Variants in SMPDL3A observed in about 807,000 individuals in gnomAD.
SMPDL3A encodes sphingomyelin phosphodiesterase acid like 3A.
SMPDL3A carries 39 observed loss-of-function variants against 38.5 expected under a neutral mutation model. The observed-to-expected ratio is 1.01, with a 90% CI of 0.78 to 1.32. SMPDL3A has a LOEUF of 1.32. SMPDL3A is among the 40% of genes most tolerant of loss of function. The pLI, the probability that SMPDL3A is intolerant of heterozygous loss-of-function variation, is 0.00. For synonymous variants in SMPDL3A, 180 were observed against 194.3 expected (o/e 0.93, Z 0.61); for missense variants, 502 against 536.2 (o/e 0.94, Z 0.63).
rs143519774 is a variant in SMPDL3A, at chr6:122,795,593, G to A, written c.113-84G>A. 2.1e-3 allele frequency: 2,174 copies of A among 1,012,842 alleles called. 16 individuals are homozygous for A. Among genetic ancestry groups the A allele is most frequent in the Middle Eastern group, 0.013 (62 of 4,658 alleles). 62.7% of individuals were successfully genotyped at this position (1,012,842 alleles called of 1,614,324 possible). On this transcript the variant is annotated intron_variant, in intron 1 of 7. Coordinates refer to ENST00000368440, the MANE Select transcript of SMPDL3A (RefSeq NM_006714.5). Reference sequence around the variant, plus strand: ...TCCTCCATCACAGGGAGGAACAACCGTCTCTAGTCTTAATATAAATATTTT... The same window carrying A: ...TCCTCCATCACAGGGAGGAACAACCATCTCTAGTCTTAATATAAATATTTT...
At chr6:122,807,226 T>A (rs1319952997) in intron 7 of SMPDL3A, among the ~76,000 whole-genome samples, 1 of 151,926 alleles carries the variant, frequency 6.6e-6, no homozygotes, top group Non-Finnish European at 1.5e-5. Context: ...AGGAAAAAAA[T>A]GGTAGCTCAC....
chr6:122,803,619 G>T (rs147563025), intron 4 of SMPDL3A, 45 bp from the exon 5 acceptor site: 14 of 1,450,262 alleles, frequency 9.7e-6, no homozygotes, highest in Admixed American at 8.7e-5. Flanking sequence ...ATGTTTGTGT[G>T]TATGTGTATG....
chr6:122,802,335 G>A (rs1415209557), intron 4 of SMPDL3A, among the ~76,000 whole-genome samples: 1 of 151,894 alleles, frequency 6.6e-6, no homozygotes, highest in East Asian at 1.9e-4. Flanking sequence ...CTGAGTAGCT[G>A]GGATTACAGG....
chr6:122,789,599 T>A, intron 1 of SMPDL3A, 141 bp downstream of exon 1: 1 of 845,714 alleles, frequency 1.2e-6, no homozygotes. Flanking sequence ...CGTCCGGCGT[T>A]GACCACGGCT....
At chr6:122,804,489 T>G (rs1249080929) in intron 5 of SMPDL3A, among the ~76,000 whole-genome samples, 1 of 151,692 alleles carries the variant, frequency 6.6e-6, no homozygotes, top group African/African-American at 2.4e-5. Flanking sequence ...TCTATTATTT[T>G]TTGTAGAGAC....
chr6:122,796,711 C>G, intron 2 of SMPDL3A, 113 bp from the exon 3 acceptor site: 1 of 707,324 alleles, frequency 1.4e-6, no homozygotes, highest in Non-Finnish European at 2.2e-6. Flanking sequence ...TAGCTGTAAT[C>G]TGCTGTTTTA....
chr6:122,794,528 T>C (rs2115162089), intron 1 of SMPDL3A, among the ~76,000 whole-genome samples: 1 of 151,528 alleles, frequency 6.6e-6, no homozygotes, highest in South Asian at 2.1e-4. Context: ...ACCCGGGAGG[T>C]GGAGGTGGCA....
At chr6:122,807,390 T>C (rs986353509) in intron 7 of SMPDL3A, among the ~76,000 whole-genome samples, 2 of 152,158 alleles carry the variant, frequency 1.3e-5, no homozygotes, top group Admixed American at 6.5e-5. Context: ...TCCCAGCTAC[T>C]CGGGAGGCTG....
rs1781606090 is a variant in SMPDL3A at position 122,806,118 on chromosome 6, T to C, written c.920-115T>C. 4.6e-6 allele frequency: 4 copies of C among 861,276 alleles called. No individual in the cohort carries two copies. In the South Asian group the frequency reaches 8.0e-5, roughly 17 times the overall value. 53.4% of individuals were successfully genotyped at this position (861,276 alleles called of 1,614,324 possible). On this transcript the variant is annotated intron_variant, in intron 6 of 7. Coordinates refer to ENST00000368440, the MANE Select transcript of SMPDL3A (RefSeq NM_006714.5). ...GTTGTTTCAAGTCAGTATCCATTAG[T>C]GATCACATATCACTTGGTTATGTCT...
chr6:122,794,792 G>A (rs1160515214), intron 1 of SMPDL3A, among the ~76,000 whole-genome samples: 1 of 152,052 alleles, frequency 6.6e-6, no homozygotes, highest in Admixed American at 6.6e-5. Flanking sequence ...GAAGCTTTGG[G>A]AATTCCTATT....
chr6:122,789,423 C>T lies in SMPDL3A; in HGVS notation c.77C>T (p.Ala26Val), dbSNP rs1242985094. Residue 26 changes from alanine to valine, a missense_variant, in exon 1 of 8, where the codon GCG becomes GTG. Coordinates refer to ENST00000368440, the MANE Select transcript of SMPDL3A (RefSeq NM_006714.5). ...HCRSGLGLPV[A>V]PAGGRNPPPA... ...CGCTCCGGCCTCGGGCTGCCCGTGG[C>T]GCCCGCAGGCGGCAGGAATCCTCCT... The T allele has an allele frequency of 2.6e-6, 4 of 1,549,202 alleles. No individual in the cohort carries two copies. In the African/African-American group the frequency reaches 4.1e-5, roughly 16 times the overall value.
intron 3 of SMPDL3A, chr6:122,797,408 C>T (rs1338316564): frequency 1.0e-5 from 1 of 97,690 alleles, no homozygotes; most frequent in African/African-American, 3.5e-5. Flanking sequence ...TAAATAAAAA[C>T]AAAAACTTAC....
rs1300501072 is a variant in SMPDL3A at position 122,795,663 on chromosome 6, T to G, written c.113-14T>G. The G allele has an allele frequency of 6.3e-7, 1 of 1,591,606 alleles. No individual in the cohort carries two copies. Among genetic ancestry groups the G allele is most frequent in the Admixed American group, 1.7e-5 (1 of 58,792 alleles). On this transcript the variant is annotated splice_polypyrimidine_tract_variant and intron_variant, in intron 1 of 7. Coordinates refer to ENST00000368440, the MANE Select transcript of SMPDL3A (RefSeq NM_006714.5). Reference sequence around the variant, plus strand: ...AACAAGTAGATTTATCTGCATTTTTTGTGTAATCAACAGGACAGTTTTGGC... The same window carrying G: ...AACAAGTAGATTTATCTGCATTTTTGGTGTAATCAACAGGACAGTTTTGGC...
intron 4 of SMPDL3A, among the ~76,000 whole-genome samples, chr6:122,803,135 TTGGG>T (rs1342478403): frequency 1.1e-5 from 1 of 92,454 alleles, no homozygotes; most frequent in African/African-American, 3.4e-5. Context: ...CAACAGACCC[TTGGG>T]TGTCCCACCA....
In SMPDL3A at chr6:122,809,422, T is replaced by A. The variant is rs372724728; in HGVS notation, c.*14T>A. ...CACAATTACTAGTATTTCACAGTTTTTGCTAATAGAAAATGCTGATTCTGA... is the reference window on the plus strand; with the variant it reads ...CACAATTACTAGTATTTCACAGTTTATGCTAATAGAAAATGCTGATTCTGA... On this transcript the variant is annotated 3_prime_UTR_variant, in exon 8 of 8. Coordinates refer to ENST00000368440, the MANE Select transcript of SMPDL3A (RefSeq NM_006714.5). The A allele has an allele frequency of 5.1e-6, 8 of 1,562,718 alleles. No homozygotes were observed. In the African/African-American group the frequency reaches 1.1e-4, roughly 21 times the overall value.
rs372786340 is a variant in SMPDL3A, at chr6:122,803,879, A to G, written c.738+46A>G. On this transcript the variant is annotated intron_variant, in intron 5 of 7. Transcript: ENST00000368440. ...CCATCTGGGAATAAACGGAAGGCAA[A>G]ATTTGTATGTTTATTAAACTCGGGG... 1.0e-5 allele frequency: 16 copies of G among 1,542,280 alleles called. No individual in the cohort carries two copies. The African/African-American group carries it at 1.6e-4, about 16-fold the overall frequency.
chr6:122,805,016 C>T lies in SMPDL3A; in HGVS notation c.846C>T (p.Tyr282=). The T allele has an allele frequency of 1.2e-6, 2 of 1,613,188 alleles. No individual in the cohort carries two copies. Among genetic ancestry groups the T allele is most frequent in the Non-Finnish European group, 1.7e-6 (2 of 1,179,698 alleles). Residue 282 remains tyrosine (Y), a synonymous_variant, in exon 6 of 8, where the codon TAC becomes TAT. Coordinates refer to ENST00000368440, the MANE Select transcript of SMPDL3A (RefSeq NM_006714.5). The part of the protein sequence containing the change: ...NEKLIDIFQK[Y]SDVIAGQFYG... ...AATTGATAGATATTTTTCAAAAATA[C>T]AGTGATGTCATTGCAGGACAATTTT... is the stretch of plus-strand genomic sequence containing the variant.
At position 122,804,988 on chromosome 6, in the gene SMPDL3A, A is replaced by G; in HGVS notation, c.818A>G (p.Glu273Gly). 6.2e-7 allele frequency: 1 copy of G among 1,613,634 alleles called. No homozygotes were observed. Among genetic ancestry groups the G allele is most frequent in the Non-Finnish European group, 8.5e-7 (1 of 1,179,806 alleles). The change falls in exon 6 of 8, where the codon GAG (glutamate) becomes GGG (glycine). Residue 273 changes from glutamate (E) to glycine (G), a missense_variant. Physicochemically the swap from Glu to Gly is moderately conservative, Grantham distance 98. Coordinates refer to ENST00000368440, the MANE Select transcript of SMPDL3A (RefSeq NM_006714.5). ...ACAGCAATGAGAGAATACTATAATG[A>G]GAAATTGATAGATATTTTTCAAAAA... ...NITAMREYYN[E>G]KLIDIFQKYS...
intron 4 of SMPDL3A, among the ~76,000 whole-genome samples, chr6:122,801,689 T>A (rs59380037): frequency 0.26 from 39,829 of 152,190 alleles, 5,894 homozygotes; most frequent in Middle Eastern, 0.34. Flanking sequence ...TGAATGTAAA[T>A]AAAAGTGTAT....
Sources: allele counts gnomAD v4.1 joint callset (sites outside exome capture counted in the v4.1 genomes callset), GRCh38; gene constraint gnomAD v4.1.1; transcripts MANE v1.5; gene names NCBI Gene and HGNC (gene_info 2026-07-23, HGNC 2026-07-21).